The following NT5DC1 variants were observed in gnomAD, a reference collection of about 807,000 sequenced individuals.
The protein encoded by NT5DC1 is 5'-nucleotidase domain-containing protein 1.
A neutral mutation model predicts 59.4 loss-of-function variants in NT5DC1; 42 were observed. The observed-to-expected ratio is 0.71, with a 90% CI of 0.55 to 0.92. The LOEUF (loss-of-function observed/expected upper bound fraction) is 0.92, where lower values mean the gene tolerates loss of function less well. Ranked by LOEUF, NT5DC1 falls within the 40% of genes least tolerant of loss-of-function variation. The probability of loss-of-function intolerance (pLI) is 0.00; values close to 1 mark genes in which losing one functional copy is unlikely to be tolerated. For synonymous variants in NT5DC1, 172 were observed against 188.1 expected (o/e 0.91, Z 0.70); for missense variants, 501 against 537.1 (o/e 0.93, Z 0.66).
chr6:116,164,155 T>G (rs1198933779), intron 6 of NT5DC1, among the ~76,000 whole-genome samples: 2 of 152,342 alleles, frequency 1.3e-5, no homozygotes, highest in African/African-American at 2.4e-5. Context: ...GTTTTCTCCT[T>G]CAGTGATCTG....
At chr6:116,230,919 C>T (rs1782005814) in intron 8 of NT5DC1, among the ~76,000 whole-genome samples, 1 of 151,968 alleles carries the variant, frequency 6.6e-6, no homozygotes, top group African/African-American at 2.4e-5. Flanking sequence ...AATCCATCAG[C>T]GAACTAGTCA....
intron 6 of NT5DC1, among the ~76,000 whole-genome samples, chr6:116,127,148 T>C (rs1349420205): frequency 6.6e-6 from 1 of 152,168 alleles, no homozygotes; most frequent in Non-Finnish European, 1.5e-5. Context: ...AGACACATCA[T>C]TTTTCTACCT....
chr6:116,238,876 ATTTAC>A (rs1782174332), intron 10 of NT5DC1, 74 bp from the exon 11 acceptor site: 4 of 902,204 alleles, frequency 4.4e-6, no homozygotes, highest in African/African-American at 1.7e-5. Context: ...CAAAGTTTTT[ATTTAC>A]TTAATAGACA....
chr6:116,120,761 C>T, intron 6 of NT5DC1: 1 of 1,611,028 alleles, frequency 6.2e-7, no homozygotes, highest in East Asian at 2.2e-5. Context: ...CCCAATAGGG[C>T]CTCTAGTACC....
chr6:116,242,561 T>TG (rs1251795707), intron 11 of NT5DC1, among the ~76,000 whole-genome samples: 1 of 151,300 alleles, frequency 6.6e-6, no homozygotes, highest in African/African-American at 2.4e-5. Context: ...ATGATTAGCA[T>TG]GAGAGAGATC....
Position 116,125,415 on chromosome 6 carries a change from T to A in NT5DC1, c.529+7470T>A, listed in dbSNP as rs1294078229. The A allele has an allele frequency of 3.1e-6, 5 of 1,613,766 alleles. No homozygotes were observed. In the African/African-American group the frequency reaches 4.0e-5, roughly 13 times the overall value. On this transcript the variant is annotated intron_variant, in intron 6 of 11. Coordinates refer to ENST00000319550, the MANE Select transcript of NT5DC1 (RefSeq NM_152729.3). ...GTGGGCCTTTTATGCCTGTGGGCATTTGGTATCGTTCAGCGTAAAACACTC... is the reference window on the plus strand; with the variant it reads ...GTGGGCCTTTTATGCCTGTGGGCATATGGTATCGTTCAGCGTAAAACACTC...
At chr6:116,147,152 A>T (rs12203127) in intron 6 of NT5DC1, among the ~76,000 whole-genome samples, 34,193 of 151,856 alleles carry the variant, frequency 0.23, 4,151 homozygotes, top group Middle Eastern at 0.35. Flanking sequence ...GATAAATGAC[A>T]AACTGGGACC....
At chr6:116,181,452 C>T (rs1780871138) in intron 6 of NT5DC1, among the ~76,000 whole-genome samples, 1 of 151,858 alleles carries the variant, frequency 6.6e-6, no homozygotes, top group Admixed American at 6.6e-5. Flanking sequence ...TAATAAAACC[C>T]AGCATCTGTT....
In NT5DC1 at chr6:116,111,049, C is replaced by T. The variant is rs948581009; in HGVS notation, c.364+93C>T. 13 of 830,464 alleles carry T rather than the reference C, an allele frequency of 1.6e-5. No individual in the cohort carries two copies. The African/African-American group carries it at 2.2e-4, about 14-fold the overall frequency. The allele number at this position is 830,464 out of a possible 1,614,324, so 51.4% of individuals were successfully genotyped here. ...CAGGACAAAGAAGACCCCCCTTTCC[C>T]CTGCTGGGCAGGATGCCAAAGGGAG... On this transcript the variant is annotated intron_variant, in intron 4 of 11. Coordinates refer to ENST00000319550, the MANE Select transcript of NT5DC1 (RefSeq NM_152729.3).
Position 116,154,088 on chromosome 6 carries a change from A to G in NT5DC1, c.529+36143A>G, listed in dbSNP as rs80133222. Among the ~76,000 whole-genome samples the G allele has an allele frequency of 5.0e-3, 749 of 150,878 alleles. 6 individuals are homozygous for G. The highest frequency in any genetic ancestry group is 0.018 in the African/African-American group (729 of 41,000). The stretch of plus-strand genomic sequence containing the variant: ...GATGGGCTAATTGAAGTGATTGACC[A>G]AAGAGATGTTAAAACATGGCTCTCA... On this transcript the variant is annotated intron_variant, in intron 6 of 11. Coordinates refer to ENST00000319550, the MANE Select transcript of NT5DC1 (RefSeq NM_152729.3).
chr6:116,155,033 G>T (rs920838968), intron 6 of NT5DC1, among the ~76,000 whole-genome samples: 2 of 152,144 alleles, frequency 1.3e-5, no homozygotes, highest in African/African-American at 4.8e-5. Flanking sequence ...TAACAGAATA[G>T]AACTTTGGTT....
chr6:116,210,956 C>A (rs1267757604), intron 6 of NT5DC1, among the ~76,000 whole-genome samples: 1 of 151,998 alleles, frequency 6.6e-6, no homozygotes, highest in Non-Finnish European at 1.5e-5. Flanking sequence ...AGAAGTCACA[C>A]CTTTCTGTTT....
At chr6:116,145,671 A>T (rs891531277) in intron 6 of NT5DC1, among the ~76,000 whole-genome samples, 2 of 152,190 alleles carry the variant, frequency 1.3e-5, no homozygotes, top group African/African-American at 4.8e-5. Flanking sequence ...ATCCCCAGTG[A>T]TCTGAAAATC....
chr6:116,205,141 C>G (rs946525686), intron 6 of NT5DC1, among the ~76,000 whole-genome samples: 1 of 151,904 alleles, frequency 6.6e-6, no homozygotes. Context: ...AAACCCCTTC[C>G]TCATCCCTCT....
At chr6:116,200,082 C>T (rs748671055) in intron 6 of NT5DC1, among the ~76,000 whole-genome samples, 2 of 151,858 alleles carry the variant, frequency 1.3e-5, no homozygotes, top group Non-Finnish European at 2.9e-5. Context: ...TCAACAGTGA[C>T]CCTTAATAGT....
chr6:116,113,209 A>T (rs1479588632), intron 4 of NT5DC1, among the ~76,000 whole-genome samples: 1 of 152,226 alleles, frequency 6.6e-6, no homozygotes, highest in African/African-American at 2.4e-5. Flanking sequence ...TGTCTCTGGT[A>T]CTAAGTCACT....
At chr6:116,192,560 A>G (rs1279992756) in intron 6 of NT5DC1, among the ~76,000 whole-genome samples, 2 of 152,082 alleles carry the variant, frequency 1.3e-5, no homozygotes, top group African/African-American at 2.4e-5. Context: ...AAAACTTCCT[A>G]AACTATTTTC....
Position 116,129,976 on chromosome 6 carries a change from A to G in NT5DC1, c.529+12031A>G, listed in dbSNP as rs182433221. 2.6e-3 allele frequency among the ~76,000 whole-genome samples: 397 copies of G among 152,290 alleles called. 10 individuals are homozygous for G. The South Asian group carries it at 0.044, about 17-fold the overall frequency. On this transcript the variant is annotated intron_variant, in intron 6 of 11. Transcript: ENST00000319550. ...ACATTTTTTGGCAAGAACCCTTTAC[A>G]GAGAGTGGTATGATATACTTCTGTT...
chr6:116,130,250 C>G (rs1278259815), intron 6 of NT5DC1, among the ~76,000 whole-genome samples: 5 of 152,074 alleles, frequency 3.3e-5, no homozygotes, highest in Non-Finnish European at 5.9e-5. Flanking sequence ...TAAGCTGCTC[C>G]CAGCATCCTC....
Sources: gnomAD v4.1 joint callset for allele counts (sites outside exome capture counted in the v4.1 genomes callset) on GRCh38, gnomAD v4.1.1 for gene constraint, MANE v1.5 for transcripts, NCBI Gene and HGNC (gene_info 2026-07-23, HGNC 2026-07-21) for gene names.